The following UTRN variants were observed in gnomAD, a reference collection of about 807,000 sequenced individuals.
UTRN encodes dystrophin-related protein 1.
A neutral mutation model predicts 463.9 loss-of-function variants in UTRN; 283 were observed. That is an observed-to-expected ratio of 0.61 (90% CI 0.55 to 0.67). The LOEUF is 0.67. UTRN is among the 30% of genes least tolerant of loss of function. UTRN has a pLI of 0.00. For synonymous variants in UTRN, 1,442 were observed against 1,431.5 expected, an observed-to-expected ratio of 1.01 and a Z score of -0.17; for missense variants, 3,922 against 4,084.3, an observed-to-expected ratio of 0.96 and a Z score of 1.08.
At chr6:144,490,582 T>C (rs926690134) in intron 31 of UTRN, among the ~76,000 whole-genome samples, 1 of 152,236 alleles carries the variant, frequency 6.6e-6, no homozygotes, top group African/African-American at 2.4e-5. Context: ...ACTTTCACTC[T>C]GAACTTGTGA....
intron 58 of UTRN, among the ~76,000 whole-genome samples, chr6:144,767,375 A>G (rs993375536): frequency 2.6e-5 from 4 of 152,210 alleles, no homozygotes; most frequent in African/African-American, 4.8e-5. Context: ...TAATGATTCT[A>G]ATGATAGACC....
intron 34 of UTRN, 107 bp downstream of exon 34, chr6:144,499,534 C>A: frequency 3.3e-6 from 3 of 909,826 alleles, no homozygotes; most frequent in Non-Finnish European, 3.0e-6. Context: ...TTAAATCTAG[C>A]CTTTTCTTTT....
chr6:144,445,383 T>C, intron 14 of UTRN, among the ~76,000 whole-genome samples: 1 of 149,556 alleles, frequency 6.7e-6, no homozygotes, highest in Admixed American at 6.8e-5. Flanking sequence ...AATACTCTAT[T>C]CCCACATCTC....
chr6:144,695,888 TATTTA>T (rs1395930891), intron 52 of UTRN, among the ~76,000 whole-genome samples: 2 of 152,250 alleles, frequency 1.3e-5, no homozygotes, highest in Admixed American at 6.5e-5. Flanking sequence ...ATGTTAAACT[TATTTA>T]ATTTGAGATT....
chr6:144,468,886 A>G (rs6904280), intron 23 of UTRN, among the ~76,000 whole-genome samples: 32,917 of 152,106 alleles, frequency 0.22, 7,232 homozygotes, highest in African/African-American at 0.56. Context: ...AGGGGAGATA[A>G]GATAGGGAGA....
At chr6:144,500,878 C>G (rs1794109747) in intron 34 of UTRN, among the ~76,000 whole-genome samples, 1 of 152,134 alleles carries the variant, frequency 6.6e-6, no homozygotes, top group Non-Finnish European at 1.5e-5. Flanking sequence ...AAATCTCTTT[C>G]CTGAGAAAGA....
chr6:144,400,453 C>T (rs1451703716), intron 2 of UTRN, among the ~76,000 whole-genome samples: 1 of 152,058 alleles, frequency 6.6e-6, no homozygotes, highest in African/African-American at 2.4e-5. Context: ...TTTTTACGTG[C>T]CCGAGATCTG....
At chr6:144,323,260 A>C (rs1266613885) in intron 2 of UTRN, among the ~76,000 whole-genome samples, 3 of 152,234 alleles carry the variant, frequency 2.0e-5, no homozygotes, top group African/African-American at 7.2e-5. Flanking sequence ...CCCTTCAGTA[A>C]GCTATTAAAT....
chr6:144,635,514 CTTTTTTTTTTTTTTTCT>C (rs1777042071), intron 51 of UTRN, among the ~76,000 whole-genome samples: 2 of 80,030 alleles, frequency 2.5e-5, no homozygotes, highest in East Asian at 3.9e-4. Context: ...CTTTTTTTTT[CTTTTTTTTTTTTTTTCT>C]TTTCTTTTTT....
In UTRN at chr6:144,623,431, G is replaced by A. The variant is rs112404849; in HGVS notation, c.7479+46143G>A. ...AAGAGTTAATGTTTAAGGCTATTTT[G>A]TAAATGACTTTAAATGATTCTAAGT... On this transcript the variant is annotated intron_variant, in intron 51 of 74. Transcript: ENST00000367545. Among the ~76,000 whole-genome samples the A allele has an allele frequency of 8.2e-3, 1,242 of 152,226 alleles. 16 individuals are homozygous for A. The highest frequency in any genetic ancestry group is 0.028 in the African/African-American group (1,166 of 41,532).
At chr6:144,494,553 G>A (rs1412296981) in intron 33 of UTRN, among the ~76,000 whole-genome samples, 9 of 152,198 alleles carry the variant, frequency 5.9e-5, no homozygotes, top group African/African-American at 1.4e-4. Flanking sequence ...GCTGGCTCGC[G>A]CAGCCTGCTT....
chr6:144,296,257 G>A lies in UTRN; in HGVS notation c.79+4350G>A, dbSNP rs534045487. ...AGCTCTGCCTCCTGTCAGATCAGCG[G>A]CAGCATTAGATTCTCATAGGAGTGA... On this transcript the variant is annotated intron_variant, in intron 2 of 74. Transcript: ENST00000367545. 7.2e-5 allele frequency among the ~76,000 whole-genome samples: 11 copies of A among 152,344 alleles called. No individual in the cohort carries two copies. In the South Asian group the frequency reaches 2.3e-3, roughly 32 times the overall value.
At chr6:144,436,786 A>G (rs4896719) in intron 10 of UTRN, among the ~76,000 whole-genome samples, 1 of 144,244 alleles carries the variant, frequency 6.9e-6, no homozygotes, top group Non-Finnish European at 1.5e-5. Flanking sequence ...ATAAATAAAT[A>G]TATATTTATA....
chr6:144,617,341 A>G (rs1003471264), intron 51 of UTRN, among the ~76,000 whole-genome samples: 1 of 152,246 alleles, frequency 6.6e-6, no homozygotes, highest in Non-Finnish European at 1.5e-5. Context: ...AATCCCTGCT[A>G]TCAATTAACT....
intron 50 of UTRN, among the ~76,000 whole-genome samples, chr6:144,563,303 C>G (rs941009468): frequency 6.6e-6 from 1 of 152,066 alleles, no homozygotes; most frequent in South Asian, 2.1e-4. Context: ...TCTATTATAT[C>G]TGTTATTACT....
At chr6:144,418,313 A>G (rs995877884) in intron 3 of UTRN, among the ~76,000 whole-genome samples, 7 of 149,024 alleles carry the variant, frequency 4.7e-5, no homozygotes, top group African/African-American at 1.7e-4. Flanking sequence ...TCCCAGGTTC[A>G]TGCCATTCTC....
chr6:144,403,038 C>A, intron 2 of UTRN, 85 bp from the exon 3 acceptor site: 1 of 1,255,960 alleles, frequency 8.0e-7, no homozygotes, highest in East Asian at 2.5e-5. Context: ...TTAAACTCTC[C>A]AGGATAGAGA....
chr6:144,371,294 C>T (rs1261890157), intron 2 of UTRN, among the ~76,000 whole-genome samples: 1 of 152,068 alleles, frequency 6.6e-6, no homozygotes, highest in African/African-American at 2.4e-5. Context: ...CCTTTCCATG[C>T]CAGTATTAGT....
At chr6:144,729,654 G>A (rs1413937980) in intron 53 of UTRN, among the ~76,000 whole-genome samples, 1 of 152,164 alleles carries the variant, frequency 6.6e-6, no homozygotes, top group Non-Finnish European at 1.5e-5. Flanking sequence ...AAGGAGTTTG[G>A]TTGTTTTTAT....
Sources: gnomAD v4.1 joint callset for allele counts (sites outside exome capture counted in the v4.1 genomes callset) on GRCh38, gnomAD v4.1.1 for gene constraint, MANE v1.5 for transcripts, NCBI Gene and HGNC (gene_info 2026-07-23, HGNC 2026-07-21) for gene names.